The following GPX6 variants were observed in gnomAD, a reference collection of about 807,000 sequenced individuals.
GPX6 encodes the protein glutathione peroxidase 6 (olfactory).
GPX6 carries 21 observed loss-of-function variants against 20.0 expected under a neutral mutation model. That is an observed-to-expected ratio of 1.05 (90% CI 0.74 to 1.51). The LOEUF (loss-of-function observed/expected upper bound fraction) is 1.51. Among genes scored for constraint, GPX6 ranks in the 40% most tolerant of loss-of-function variants. GPX6 has a pLI of 0.00. For missense variants in GPX6, 233 were observed against 254.7 expected, an observed-to-expected ratio of 0.91 and a Z score of 0.58; for synonymous variants, 75 against 98.0, an observed-to-expected ratio of 0.77 and a Z score of 1.38.
chr6:28,507,172 T>G (rs1293410241), intron 2 of GPX6, among the ~76,000 whole-genome samples: 1 of 152,196 alleles, frequency 6.6e-6, no homozygotes, highest in African/African-American at 2.4e-5. Flanking sequence ...AATCATAATT[T>G]CCATCTTCAG....
chr6:28,512,759 C>G (rs1218818169), intron 1 of GPX6, among the ~76,000 whole-genome samples: 1 of 152,162 alleles, frequency 6.6e-6, no homozygotes, highest in African/African-American at 2.4e-5. Context: ...TGAAGGTCTA[C>G]AGCTTCACTC....
At chr6:28,513,205 C>G (rs1018118025) in intron 1 of GPX6, among the ~76,000 whole-genome samples, 2 of 152,194 alleles carry the variant, frequency 1.3e-5, no homozygotes, top group Non-Finnish European at 2.9e-5. Flanking sequence ...TCCGATTCTT[C>G]TCGTAAACCA....
intron 1 of GPX6, among the ~76,000 whole-genome samples, chr6:28,512,355 G>A (rs914937483): frequency 6.6e-6 from 1 of 152,244 alleles, no homozygotes; most frequent in Non-Finnish European, 1.5e-5. Context: ...ACACCAATCA[G>A]CACCCTGTGT....
intron 1 of GPX6, 157 bp from the exon 2 acceptor site, chr6:28,511,061 T>TAAACTCTA: frequency 1.7e-6 from 1 of 574,536 alleles, no homozygotes; most frequent in Non-Finnish European, 2.9e-6. Context: ...TTAGAGCTGA[T>TAAACTCTA]GCCATAGCTA....
chr6:28,512,605 A>T (rs559325195), intron 1 of GPX6, among the ~76,000 whole-genome samples: 3 of 152,198 alleles, frequency 2.0e-5, no homozygotes, highest in African/African-American at 7.2e-5. Context: ...TAAGAATAAA[A>T]GGCGGCTGCC....
intron 1 of GPX6, among the ~76,000 whole-genome samples, chr6:28,512,673 T>C (rs1241574856): frequency 1.3e-5 from 2 of 152,192 alleles, no homozygotes; most frequent in Non-Finnish European, 2.9e-5. Flanking sequence ...GCTTTGTTCT[T>C]TCGCTCTTTG....
At chr6:28,513,029 C>T (rs550704236) in intron 1 of GPX6, among the ~76,000 whole-genome samples, 12 of 152,260 alleles carry the variant, frequency 7.9e-5, no homozygotes, top group Non-Finnish European at 1.5e-4. Context: ...CAAAAACCCA[C>T]CAATTTTGAA....
At chr6:28,514,081 C>T (rs1762980493) in intron 1 of GPX6, among the ~76,000 whole-genome samples, 1 of 152,254 alleles carries the variant, frequency 6.6e-6, no homozygotes, top group South Asian at 2.1e-4. Flanking sequence ...TTCATGACAC[C>T]TTACGTCTGA....
In GPX6 at chr6:28,511,026, G is replaced by A. The variant is rs547811044; in HGVS notation, c.88-122C>T. ...TATCTTGAAATTCTAAGAACTGAAG[G>A]GATCTTTCCAAGTAAAATTTTTAGT... On this transcript the variant is annotated intron_variant, in intron 1 of 4. Transcript: ENST00000361902. 26 of 827,066 alleles carry A rather than the reference G, an allele frequency of 3.1e-5. No individual in the cohort carries two copies. The Admixed American group carries it at 3.8e-4, about 12-fold the overall frequency. The allele number at this position is 827,066 out of a possible 1,614,324, so 51.2% of individuals were successfully genotyped here. A position where few individuals can be genotyped will look rare whatever the true frequency, so the allele number is the denominator to read the frequency against.
chr6:28,513,634 C>T (rs1195986411), intron 1 of GPX6, among the ~76,000 whole-genome samples: 4 of 152,138 alleles, frequency 2.6e-5, no homozygotes, highest in Non-Finnish European at 5.9e-5. Context: ...CTTTTCTACC[C>T]ACAAGCATGC....
chr6:28,511,895 T>C (rs1410515451), intron 1 of GPX6, among the ~76,000 whole-genome samples: 1 of 152,234 alleles, frequency 6.6e-6, no homozygotes, highest in African/African-American at 2.4e-5. Context: ...CCAGCGCGAA[T>C]TCCACGTGGG....
At chr6:28,515,242 C>A (rs1244736966) in intron 1 of GPX6, among the ~76,000 whole-genome samples, 2 of 152,210 alleles carry the variant, frequency 1.3e-5, no homozygotes, top group Non-Finnish European at 2.9e-5. Flanking sequence ...TGAGCAGCCT[C>A]TCCAGGAGTA....
At chr6:28,512,566 C>T (rs1457549058) in intron 1 of GPX6, among the ~76,000 whole-genome samples, 2 of 152,186 alleles carry the variant, frequency 1.3e-5, no homozygotes, top group Non-Finnish European at 2.9e-5. Context: ...GTAAAATGGA[C>T]CAATCAGCAG....
intron 1 of GPX6, among the ~76,000 whole-genome samples, chr6:28,511,584 G>C (rs755759868): frequency 6.6e-6 from 1 of 152,250 alleles, no homozygotes; most frequent in Non-Finnish European, 1.5e-5. Flanking sequence ...CACTGGCGCT[G>C]GATGTGGAGA....
chr6:28,506,578 G>GAAAA, intron 2 of GPX6, 149 bp from the exon 3 acceptor site: 1 of 391,870 alleles, frequency 2.6e-6, no homozygotes, highest in Non-Finnish European at 4.5e-6. Context: ...AAGGAGTAGA[G>GAAAA]AAAAAAAAAA....
intron 1 of GPX6, among the ~76,000 whole-genome samples, chr6:28,513,380 G>A (rs1762949932): frequency 6.6e-6 from 1 of 152,230 alleles, no homozygotes; most frequent in African/African-American, 2.4e-5. Flanking sequence ...CTGCCTTAAG[G>A]TTGGAGCTCC....
intron 1 of GPX6, among the ~76,000 whole-genome samples, chr6:28,512,097 G>T (rs1167851980): frequency 6.6e-6 from 1 of 152,234 alleles, no homozygotes; most frequent in Admixed American, 6.5e-5. Flanking sequence ...TGCGCGGCCC[G>T]AGCCTCCCCG....
intron 1 of GPX6, 145 bp from the exon 2 acceptor site, chr6:28,511,049 A>C: frequency 1.5e-6 from 1 of 652,544 alleles, no homozygotes. Flanking sequence ...TAAAATTTTT[A>C]GTTAGAGCTG....
At chr6:28,506,911 A>G (rs1372703851) in intron 2 of GPX6, among the ~76,000 whole-genome samples, 1 of 152,150 alleles carries the variant, frequency 6.6e-6, no homozygotes, top group Non-Finnish European at 1.5e-5. Flanking sequence ...ACAATGTCCC[A>G]TGGTGACACA....
Sources: allele counts gnomAD v4.1 joint callset (sites outside exome capture counted in the v4.1 genomes callset), GRCh38; gene constraint gnomAD v4.1.1; transcripts MANE v1.5; gene names NCBI Gene and HGNC (gene_info 2026-07-23, HGNC 2026-07-21).